ACOT4: variants seen among roughly 807,000 people sequenced by gnomAD.
The protein encoded by ACOT4 is acyl-CoA thioesterase 4, also known as peroxisomal succinyl-coenzyme A thioesterase.
In ACOT4, 18 loss-of-function variants were observed where a neutral mutation model predicts 17.1. The observed-to-expected ratio is 1.05, with a 90% CI of 0.73 to 1.56. ACOT4 has a LOEUF of 1.56. Ranked by LOEUF, ACOT4 falls within the 40% of genes most tolerant of loss-of-function variation. The pLI, the probability that ACOT4 is intolerant of heterozygous loss-of-function variation, is 0.00. For synonymous variants in ACOT4, 234 were observed against 236.6 expected (o/e 0.99, Z 0.10); for missense variants, 574 against 557.2 (o/e 1.03, Z -0.30).
chr14:73,591,916 G>C lies in ACOT4; in HGVS notation c.-44G>C, dbSNP rs1357802085. 7.4e-7 allele frequency: 1 copy of C among 1,344,252 alleles called. No individual in the cohort carries two copies. The highest frequency in any genetic ancestry group is 9.6e-7 in the Non-Finnish European group (1 of 1,045,620). The allele number at this position is 1,344,252 out of a possible 1,614,324, so 83.3% of individuals were successfully genotyped here. ...CGGCGCGCTTGCCACGATCTTGGAC[G>C]GGTCTCGGGCCTCGACCTTTGAATT... On this transcript the variant is annotated 5_prime_UTR_variant, in exon 1 of 3. Coordinates refer to ENST00000326303, the MANE Select transcript of ACOT4 (RefSeq NM_152331.4).
rs1382704071 is a variant in ACOT4, at chr14:73,592,295, C to T, written c.336C>T (p.His112=). 1 of 1,610,262 alleles carries T rather than the reference C, an allele frequency of 6.2e-7. No individual in the cohort carries two copies. Among genetic ancestry groups the T allele is most frequent in the South Asian group, 1.1e-5 (1 of 90,744 alleles). The change falls in exon 1 of 3, where the codon CAC becomes CAT. Residue 112 remains histidine, a synonymous_variant. Coordinates refer to ENST00000326303, the MANE Select transcript of ACOT4 (RefSeq NM_152331.4). The stretch of plus-strand genomic sequence containing the variant: ...TGGAGTTGGAGGTGCTGGACGGCCA[C>T]GACCCCGAGCCTGGACGGCTGCTGT... ...FVVELEVLDG[H]DPEPGRLLCQ...
In ACOT4 at chr14:73,593,773, C is replaced by G; in HGVS notation, c.529C>G (p.Leu177Val). 6.2e-7 allele frequency: 1 copy of G among 1,613,992 alleles called. No individual in the cohort carries two copies. The highest frequency in any genetic ancestry group is 8.5e-7 in the Non-Finnish European group (1 of 1,179,918). Residue 177 changes from leucine to valine, a missense_variant, in exon 2 of 3, where the codon CTC becomes GTC. By Grantham distance (32) the Leu-to-Val change is conservative (BLOSUM62 1). Transcript: ENST00000326303. ...GGGCCTCTTGGAATATCGAGCCAGCCTCCTTGCTGGCCATGGCTTTGCCAC... is the reference window on the plus strand; with the variant it reads ...GGGCCTCTTGGAATATCGAGCCAGCGTCCTTGCTGGCCATGGCTTTGCCAC... The part of the protein sequence containing the change: ...GGGLLEYRAS[L>V]LAGHGFATLA...
rs1890195854 is a variant in ACOT4 at position 73,593,780 on chromosome 14, C to T, written c.536C>T (p.Ala179Val). ...TTGGAATATCGAGCCAGCCTCCTTGCTGGCCATGGCTTTGCCACGTTGGCT... is the reference window on the plus strand; with the variant it reads ...TTGGAATATCGAGCCAGCCTCCTTGTTGGCCATGGCTTTGCCACGTTGGCT... ...GLLEYRASLL[A>V]GHGFATLALA... The change falls in exon 2 of 3, where the codon GCT becomes GTT. Residue 179 changes from alanine to valine, a missense_variant. Physicochemically the swap from Ala to Val is moderately conservative, Grantham distance 64. Transcript: ENST00000326303. The T allele has an allele frequency of 6.2e-7, 1 of 1,613,854 alleles. No individual in the cohort carries two copies. The highest frequency in any genetic ancestry group is 1.3e-5 in the African/African-American group (1 of 74,922).
intron 1 of ACOT4, among the ~76,000 whole-genome samples, chr14:73,593,313 A>C (rs971139836): frequency 6.6e-6 from 1 of 150,534 alleles, no homozygotes; most frequent in East Asian, 2.0e-4. Context: ...GTTTTGTTTC[A>C]ATCTTTTTTC....
At chr14:73,594,426 T>C (rs1335043926) in intron 2 of ACOT4, among the ~76,000 whole-genome samples, 1 of 86,750 alleles carries the variant, frequency 1.2e-5, no homozygotes, top group African/African-American at 5.1e-5. Context: ...CTGAACTTGA[T>C]GGGATCTGTG....
At position 73,592,053 on chromosome 14, in the gene ACOT4, G is replaced by C; in HGVS notation, c.94G>C (p.Val32Leu). 6.8e-7 allele frequency: 1 copy of C among 1,478,534 alleles called. No homozygotes were observed. The highest frequency in any genetic ancestry group is 9.0e-7 in the Non-Finnish European group (1 of 1,116,928). The allele number at this position is 1,478,534 out of a possible 1,614,324, so 91.6% of individuals were successfully genotyped here. A position where few individuals can be genotyped will look rare whatever the true frequency, so the allele number is the denominator to read the frequency against. The change falls in exon 1 of 3, where the codon GTT becomes CTT. Residue 32 changes from valine to leucine, a missense_variant. By Grantham distance (32) the Val-to-Leu change is conservative. Coordinates refer to ENST00000326303, the MANE Select transcript of ACOT4 (RefSeq NM_152331.4). ...GCGCGGCCTGGCCCCGGAGCAGCGG[G>C]TTACGCTGCGCGCGTCCCTGCGCGA... ...AVRGLAPEQR[V>L]TLRASLRDEK...
chr14:73,592,466 C>A, intron 1 of ACOT4, 50 bp downstream of exon 1: 2 of 1,448,380 alleles, frequency 1.4e-6, no homozygotes, highest in Non-Finnish European at 1.8e-6. Flanking sequence ...CCTGAGTCTC[C>A]GTTTGTTTCC....
In ACOT4 at chr14:73,592,192, T is replaced by C; in HGVS notation, c.233T>C (p.Met78Thr). The change falls in exon 1 of 3, where the codon ATG becomes ACG. Residue 78 changes from methionine to threonine, a missense_variant. Physicochemically the swap from Met to Thr is moderately conservative, Grantham distance 81 (BLOSUM62 -1). Transcript: ENST00000326303. The stretch of plus-strand genomic sequence containing the variant: ...GGCAGCTTCGCGGGACTCGAGCCCA[T>C]GGGGCTGCTCTGGGCCCTGGAACCC... ...LGGSFAGLEP[M>T]GLLWALEPEK... is the part of the protein sequence containing the mutation. 6.2e-7 allele frequency: 1 copy of C among 1,609,806 alleles called. No homozygotes were observed. The highest frequency in any genetic ancestry group is 1.7e-5 in the Admixed American group (1 of 59,762).
In ACOT4 at chr14:73,595,472, A is replaced by T. The variant is rs370367146; in HGVS notation, c.1084A>T (p.Ile362Phe). 1.2e-6 allele frequency: 2 copies of T among 1,614,032 alleles called. No individual in the cohort carries two copies. Among genetic ancestry groups the T allele is most frequent in the African/African-American group, 2.7e-5 (2 of 74,942 alleles). Residue 362 changes from isoleucine to phenylalanine, a missense_variant, in exon 3 of 3, where the codon ATC (isoleucine) becomes TTC (phenylalanine). By Grantham distance (21) the Ile-to-Phe change is conservative. Coordinates refer to ENST00000326303, the MANE Select transcript of ACOT4 (RefSeq NM_152331.4). The part of the protein sequence containing the change: ...IICYPGTGHY[I>F]EPPYFPLCPA... ...CTGTTACCCTGGGACTGGGCATTAC[A>T]TCGAGCCTCCTTACTTCCCCCTGTG...
chr14:73,593,940 A>G, intron 2 of ACOT4, 36 bp downstream of exon 2: 1 of 1,555,420 alleles, frequency 6.4e-7, no homozygotes, highest in Non-Finnish European at 8.8e-7. Context: ...CAGTCTCTCT[A>G]GAAATATTTC....
At position 73,594,905 on chromosome 14, in the gene ACOT4, A is replaced by G. The variant is rs562177306; in HGVS notation, c.661-144A>G. On this transcript the variant is annotated intron_variant, in intron 2 of 2. Transcript: ENST00000326303. ...TTTTTAATAGAGACAGGGTTCTGCC[A>G]TGTTGGCCAGGCTGGTCTCAAACTC... 2.2e-5 allele frequency: 20 copies of G among 921,446 alleles called. No individual in the cohort carries two copies. The Admixed American group carries it at 2.8e-4, about 13-fold the overall frequency. The allele number at this position is 921,446 out of a possible 1,614,324, so 57.1% of individuals were successfully genotyped here.
At chr14:73,594,211 T>C (rs1595179157) in intron 2 of ACOT4, among the ~76,000 whole-genome samples, 1 of 152,230 alleles carries the variant, frequency 6.6e-6, no homozygotes, top group East Asian at 1.9e-4. Flanking sequence ...TGTCAGAGTA[T>C]GTTCTCAGAT....
chr14:73,594,592 G>T (rs970133065), intron 2 of ACOT4, among the ~76,000 whole-genome samples: 6 of 152,176 alleles, frequency 3.9e-5, no homozygotes, highest in African/African-American at 1.4e-4. Context: ...AGCTGAGGTT[G>T]ATTTTCTTGT....
intron 1 of ACOT4, among the ~76,000 whole-genome samples, chr14:73,592,832 G>A (rs866179822): frequency 3.9e-5 from 6 of 152,164 alleles, no homozygotes; most frequent in Non-Finnish European, 7.3e-5. Flanking sequence ...CAGCCTGGGT[G>A]ACAGAGCGAG....
chr14:73,594,975 G>T, intron 2 of ACOT4, 74 bp from the exon 3 acceptor site: 1 of 1,559,762 alleles, frequency 6.4e-7, no homozygotes, highest in Non-Finnish European at 8.7e-7. Flanking sequence ...AGAGTGTTGG[G>T]ATTACAGGCA....
Position 73,592,165 on chromosome 14 carries a change from G to C in ACOT4, c.206G>C (p.Gly69Ala), listed in dbSNP as rs1439331534. The C allele has an allele frequency of 1.2e-6, 2 of 1,602,810 alleles. No individual in the cohort carries two copies. Among genetic ancestry groups the C allele is most frequent in the Non-Finnish European group, 1.7e-6 (2 of 1,175,546 alleles). Residue 69 changes from glycine (G) to alanine (A), a missense_variant, in exon 1 of 3, where the codon GGC becomes GCC. Coordinates refer to ENST00000326303, the MANE Select transcript of ACOT4 (RefSeq NM_152331.4). ...ELDLERAPAL[G>A]GSFAGLEPMG... ...GACCTGGAGCGCGCACCCGCGCTGG[G>C]CGGCAGCTTCGCGGGACTCGAGCCC... is the stretch of plus-strand genomic sequence containing the variant.
In ACOT4 at chr14:73,593,696, C is replaced by G; in HGVS notation, c.458-6C>G. 6 of 1,597,816 alleles carry G rather than the reference C, an allele frequency of 3.8e-6. No homozygotes were observed. Among genetic ancestry groups the G allele is most frequent in the Non-Finnish European group, 4.3e-6 (5 of 1,171,244 alleles). On this transcript the variant is annotated splice_polypyrimidine_tract_variant and splice_region_variant and intron_variant, in intron 1 of 2. Transcript: ENST00000326303. ...TGGCTTACATTTATAATATTTTGTT[C>G]TCTAGGACCTGGACCCTTCCCAGGG...
At chr14:73,593,003 T>C (rs1167412813) in intron 1 of ACOT4, among the ~76,000 whole-genome samples, 3 of 152,262 alleles carry the variant, frequency 2.0e-5, no homozygotes, top group African/African-American at 7.2e-5. Context: ...TCAGGTACAT[T>C]ATCCACTTTG....
rs201139229 is a variant in ACOT4 at position 73,595,140 on chromosome 14, C to T, written c.752C>T (p.Thr251Ile). The part of the protein sequence containing the change: ...MASFLKNVSA[T>I]VSINGSGISG... Reference sequence around the variant, plus strand: ...TCATTCTTGAAGAATGTCTCAGCCACAGTTTCCATCAATGGATCTGGGATC... The same window carrying T: ...TCATTCTTGAAGAATGTCTCAGCCATAGTTTCCATCAATGGATCTGGGATC... The change falls in exon 3 of 3, where the codon ACA becomes ATA. Residue 251 changes from threonine to isoleucine, a missense_variant. Transcript: ENST00000326303. The T allele has an allele frequency of 1.9e-6, 3 of 1,614,224 alleles. No homozygotes were observed. The African/African-American group carries it at 4.0e-5, about 22-fold the overall frequency.
Sources: gnomAD v4.1 joint callset for allele counts (sites outside exome capture counted in the v4.1 genomes callset) on GRCh38, gnomAD v4.1.1 for gene constraint, MANE v1.5 for transcripts, NCBI Gene and HGNC (gene_info 2026-07-23, HGNC 2026-07-21) for gene names.